The following NR6A1 variants were observed in gnomAD, a reference collection of about 807,000 sequenced individuals.
The protein encoded by NR6A1 is retinoic acid receptor-related testis-associated receptor.
NR6A1 carries 7 observed loss-of-function variants against 59.1 expected under a neutral mutation model. The ratio of observed to expected loss-of-function variants is 0.12; its 90% CI spans 0.07 to 0.22. The LOEUF (loss-of-function observed/expected upper bound fraction) is 0.22, where lower values mean the gene tolerates loss of function less well. NR6A1 is among the 10% of genes least tolerant of loss of function. NR6A1 has a pLI of 1.00. For missense variants in NR6A1, 468 were observed against 611.6 expected (o/e 0.77, Z 2.48); for synonymous variants, 243 against 236.1 (o/e 1.03, Z -0.27).
At chr9:124,598,541 T>C (rs1835344835) in intron 2 of NR6A1, among the ~76,000 whole-genome samples, 1 of 151,406 alleles carries the variant, frequency 6.6e-6, no homozygotes, top group Admixed American at 6.6e-5. Context: ...ACTGCAAATC[T>C]AATGGGGTCC....
intron 1 of NR6A1, among the ~76,000 whole-genome samples, chr9:124,745,596 G>A (rs1267622054): frequency 3.3e-5 from 5 of 151,522 alleles, no homozygotes; most frequent in East Asian, 1.9e-4. Context: ...GCTTGAACCC[G>A]GGAGGCAGAG....
At chr9:124,599,560 A>G in intron 2 of NR6A1, 1 of 841,760 alleles carries the variant, frequency 1.2e-6, no homozygotes, top group Non-Finnish European at 1.7e-6. Context: ...GGTCTTCCTG[A>G]GTGTCCGTGG....
intron 2 of NR6A1, among the ~76,000 whole-genome samples, chr9:124,589,466 T>C (rs920925518): frequency 5.3e-5 from 8 of 151,712 alleles, no homozygotes; most frequent in African/African-American, 1.9e-4. Context: ...AAACAAAAAA[T>C]AAAAAATAAA....
chr9:124,538,147 G>T lies in NR6A1; in HGVS notation c.769C>A (p.Leu257Met). 6.2e-7 allele frequency: 1 copy of T among 1,614,182 alleles called. No individual in the cohort carries two copies. The highest frequency in any genetic ancestry group is 8.5e-7 in the Non-Finnish European group (1 of 1,180,008). Residue 257 changes from leucine (L) to methionine (M), a missense_variant, in exon 6 of 10, where the codon CTG becomes ATG. Physicochemically the swap from Leu to Met is conservative, Grantham distance 15. Around this residue, in one of 4 missense-constraint regions of NR6A1, gnomAD observed 151 missense variants for 142.8 expected, o/e 1.06. Coordinates refer to ENST00000487099, the MANE Select transcript of NR6A1 (RefSeq NM_033334.4). ...GGTTCCAGGTCCTCGGCTGATAACA[G>T]CTGGTGAATCAGACTGTATGACTGG... is the stretch of plus-strand genomic sequence containing the variant. ...DPQSYSLIHQ[L>M]LSAEDLEPLG...
At chr9:124,619,629 C>T (rs1196762212) in intron 2 of NR6A1, among the ~76,000 whole-genome samples, 2 of 152,206 alleles carry the variant, frequency 1.3e-5, no homozygotes, top group Non-Finnish European at 2.9e-5. Context: ...ATACATCAGA[C>T]TGCCCAGGTT....
intron 2 of NR6A1, among the ~76,000 whole-genome samples, chr9:124,611,490 C>T (rs115076032): frequency 6.6e-4 from 100 of 152,210 alleles, no homozygotes; most frequent in African/African-American, 2.2e-3. Context: ...GATCCTAACA[C>T]TTTGGGAGGC....
At chr9:124,696,061 G>A (rs1371533334) in intron 2 of NR6A1, among the ~76,000 whole-genome samples, 1 of 152,136 alleles carries the variant, frequency 6.6e-6, no homozygotes, top group Non-Finnish European at 1.5e-5. Flanking sequence ...GCATGTATAG[G>A]GGACAGGAAG....
chr9:124,739,631 T>C (rs1297163719), intron 1 of NR6A1, among the ~76,000 whole-genome samples: 2 of 152,208 alleles, frequency 1.3e-5, no homozygotes, highest in Non-Finnish European at 2.9e-5. Flanking sequence ...AAAAAGGCAT[T>C]TGACAAAAAG....
At chr9:124,738,740 C>T (rs1461725737) in intron 1 of NR6A1, among the ~76,000 whole-genome samples, 3 of 152,142 alleles carry the variant, frequency 2.0e-5, no homozygotes, top group Middle Eastern at 3.4e-3. Context: ...TGCAGCGGCT[C>T]ACACCTGTAA....
chr9:124,575,522 C>A (rs981515181), intron 2 of NR6A1, among the ~76,000 whole-genome samples: 1 of 151,752 alleles, frequency 6.6e-6, no homozygotes, highest in Admixed American at 6.6e-5. Context: ...TTCAATGAGC[C>A]GAGATCACAC....
At chr9:124,651,543 A>G (rs892319065) in intron 2 of NR6A1, among the ~76,000 whole-genome samples, 14 of 152,366 alleles carry the variant, frequency 9.2e-5, no homozygotes, top group South Asian at 8.3e-4. Context: ...ACAATTTTAC[A>G]AAGTACCTAC....
chr9:124,647,343 C>T (rs1463030493), intron 2 of NR6A1, among the ~76,000 whole-genome samples: 1 of 152,120 alleles, frequency 6.6e-6, no homozygotes, highest in Non-Finnish European at 1.5e-5. Context: ...TACAAAGCAT[C>T]ATTAGAGACT....
intron 2 of NR6A1, among the ~76,000 whole-genome samples, chr9:124,603,316 A>G (rs1481245910): frequency 1.3e-5 from 2 of 152,108 alleles, no homozygotes; most frequent in African/African-American, 2.4e-5. Flanking sequence ...GGTGGGGTAC[A>G]GTTCTTCTGT....
At chr9:124,718,811 TTTTTTTTTTTTTTTTTTTTTA>T (rs982368476) in intron 2 of NR6A1, among the ~76,000 whole-genome samples, 1 of 140,766 alleles carries the variant, frequency 7.1e-6, no homozygotes, top group African/African-American at 2.6e-5. Context: ...ACCTTTTTTT[TTTTTTTTTTTTTTTTTTTTTA>T]AAGACAGGGT....
intron 2 of NR6A1, among the ~76,000 whole-genome samples, chr9:124,722,220 G>T (rs1839584328): frequency 6.6e-6 from 1 of 152,154 alleles, no homozygotes; most frequent in Non-Finnish European, 1.5e-5. Flanking sequence ...CTTAAAATCA[G>T]ATCATTTTAT....
At chr9:124,591,451 G>A (rs957753876) in intron 2 of NR6A1, among the ~76,000 whole-genome samples, 2 of 152,186 alleles carry the variant, frequency 1.3e-5, no homozygotes, top group African/African-American at 2.4e-5. Context: ...AGCCATATAC[G>A]TAGCCAAGTT....
intron 2 of NR6A1, among the ~76,000 whole-genome samples, chr9:124,644,268 C>CTTT (rs1388547775): frequency 4.3e-4 from 10 of 23,040 alleles, no homozygotes; most frequent in African/African-American, 1.3e-3. Context: ...AAGATTAAGT[C>CTTT]TTCTTTTTTT....
In NR6A1 at chr9:124,538,139, T is replaced by G; in HGVS notation, c.777A>C (p.Ser259=). 6.2e-7 allele frequency: 1 copy of G among 1,614,172 alleles called. No individual in the cohort carries two copies. Among genetic ancestry groups the G allele is most frequent in the Non-Finnish European group, 8.5e-7 (1 of 1,179,998 alleles). Residue 259 remains serine, a synonymous_variant, in exon 6 of 10, where the codon TCA becomes TCC. Transcript: ENST00000487099. The part of the protein sequence containing the change: ...QSYSLIHQLL[S]AEDLEPLGTP... ...TGCCCAATGGTTCCAGGTCCTCGGC[T>G]GATAACAGCTGGTGAATCAGACTGT... is the stretch of plus-strand genomic sequence containing the variant.
At chr9:124,715,878 A>T (rs1839405980) in intron 2 of NR6A1, among the ~76,000 whole-genome samples, 1 of 152,228 alleles carries the variant, frequency 6.6e-6, no homozygotes, top group African/African-American at 2.4e-5. Flanking sequence ...GTCTATAAAT[A>T]GACTCACAAT....
Sources: gnomAD v4.1 joint callset for allele counts (sites outside exome capture counted in the v4.1 genomes callset) on GRCh38, gnomAD v4.1.1 for gene constraint, gnomAD v4.1.1 regional missense constraint, MANE v1.5 for transcripts, NCBI Gene and HGNC (gene_info 2026-07-23, HGNC 2026-07-21) for gene names.